DNAH11: variants seen among roughly 807,000 people sequenced by gnomAD.
DNAH11 encodes the protein dynein axonemal heavy chain 11.
Under a neutral mutation model 526.0 loss-of-function variants are expected in DNAH11, and 442 were observed. That is an observed-to-expected ratio of 0.84 (90% CI 0.78 to 0.91). The LOEUF (loss-of-function observed/expected upper bound fraction) is 0.91. DNAH11 is among the 40% of genes least tolerant of loss of function. DNAH11 has a pLI of 0.00. For synonymous variants in DNAH11, 2,461 were observed against 1,935.9 expected (o/e 1.27, Z -7.12); for missense variants, 6,989 against 5,448.7 (o/e 1.28, Z -8.90).
chr7:21,647,129 C>T (rs1787391409), intron 28 of DNAH11, among the ~76,000 whole-genome samples: 1 of 152,070 alleles, frequency 6.6e-6, no homozygotes, highest in Non-Finnish European at 1.5e-5. Flanking sequence ...TAGGACTTCC[C>T]AAAGTGCGGA....
rs1249911874 is a variant in DNAH11 at position 21,880,788 on chromosome 7, A to T, written c.12282A>T (p.Arg4094Ser). 6.2e-7 allele frequency: 1 copy of T among 1,613,890 alleles called. No homozygotes were observed. Among genetic ancestry groups the T allele is most frequent in the East Asian group, 2.2e-5 (1 of 44,864 alleles). ...ACTTCCACGCCTGTGTTGCTGGGAG[A>T]CTGAGGTTTGGCCCCCAGGGCTGGA... ...LCYFHACVAG[R>S]LRFGPQGWSR... The change falls in exon 75 of 82, where the codon AGA becomes AGT. Residue 4094 changes from arginine to serine, a missense_variant. Arg to Ser is a moderately radical substitution (Grantham distance 110, BLOSUM62 -1). Coordinates refer to ENST00000409508, the MANE Select transcript of DNAH11 (RefSeq NM_001277115.2).
intron 18 of DNAH11, among the ~76,000 whole-genome samples, chr7:21,604,199 G>A (rs1440947127): frequency 6.6e-6 from 1 of 152,156 alleles, no homozygotes; most frequent in African/African-American, 2.4e-5. Context: ...AAGAGTTGAA[G>A]TATTACTTCC....
rs148075254 is a variant in DNAH11 at position 21,644,366 on chromosome 7, A to T, written c.4944+5301A>T. Among the ~76,000 whole-genome samples the T allele has an allele frequency of 9.8e-5, 15 of 152,322 alleles. No individual in the cohort carries two copies. In the East Asian group the frequency reaches 1.7e-3, roughly 18 times the overall value. On this transcript the variant is annotated intron_variant, in intron 28 of 81. Coordinates refer to ENST00000409508, the MANE Select transcript of DNAH11 (RefSeq NM_001277115.2). The stretch of plus-strand genomic sequence containing the variant: ...AGAGGATGGAGCTCAATAATCATTC[A>T]TAGTATGCCAAAACCTTCACTGACA...
intron 65 of DNAH11, among the ~76,000 whole-genome samples, chr7:21,827,810 C>G (rs573957306): frequency 6.6e-6 from 1 of 151,932 alleles, no homozygotes; most frequent in African/African-American, 2.4e-5. Context: ...TTGGAGTTGA[C>G]GCCATGCAAT....
At chr7:21,836,916 T>C (rs1429009593) in intron 65 of DNAH11, among the ~76,000 whole-genome samples, 1 of 151,950 alleles carries the variant, frequency 6.6e-6, no homozygotes, top group Non-Finnish European at 1.5e-5. Flanking sequence ...GAAAAGGATG[T>C]GATTCTAAAA....
At chr7:21,815,883 C>A (rs10239296) in intron 63 of DNAH11, among the ~76,000 whole-genome samples, 61,141 of 151,780 alleles carry the variant, frequency 0.4, 13,146 homozygotes, top group East Asian at 0.82. Flanking sequence ...CCTCCCCAAC[C>A]CCTTACTTTG....
rs561139740 is a variant in DNAH11 at position 21,653,378 on chromosome 7, C to T, written c.4945-2454C>T. Among the ~76,000 whole-genome samples, 96 of 152,290 alleles carry T rather than the reference C, an allele frequency of 6.3e-4. 1 individual carries two copies. The South Asian group carries it at 0.018, about 29-fold the overall frequency. ...TAGAAGACAGTATGAAAACATCTAA[C>T]GTCAACTATGCCATGTATAAGAAAT... On this transcript the variant is annotated intron_variant, in intron 28 of 81. Transcript: ENST00000409508.
At position 21,900,125 on chromosome 7, in the gene DNAH11, G is replaced by A. The variant is rs1453680788; in HGVS notation, c.13303+5G>A. ...TCCACGGACTCTTCATGGAGGGTAA[G>A]ACACCCCAAGGGGTAAGTGGGGAAC... On this transcript the variant is annotated splice_donor_5th_base_variant and intron_variant, in intron 81 of 81. Coordinates refer to ENST00000409508, the MANE Select transcript of DNAH11 (RefSeq NM_001277115.2). 3.1e-6 allele frequency: 5 copies of A among 1,609,272 alleles called. No homozygotes were observed.
chr7:21,799,985 A>G (rs1788896809), intron 61 of DNAH11, among the ~76,000 whole-genome samples: 1 of 152,234 alleles, frequency 6.6e-6, no homozygotes, highest in Non-Finnish European at 1.5e-5. Context: ...CAACTTAGTC[A>G]AGACTTTTTG....
chr7:21,763,223 T>C (rs1033209423), intron 54 of DNAH11, among the ~76,000 whole-genome samples: 4 of 150,980 alleles, frequency 2.6e-5, no homozygotes, highest in Non-Finnish European at 5.9e-5. Context: ...GTGTCTGTAG[T>C]CCCAGCTACT....
chr7:21,690,687 TG>T (rs2128474924), intron 34 of DNAH11, 77 bp from the exon 35 acceptor site: 4 of 1,042,754 alleles, frequency 3.8e-6, no homozygotes, highest in Non-Finnish European at 5.8e-6. Flanking sequence ...ATTTGCATTT[TG>T]CAGTGGTTTG....
intron 69 of DNAH11, among the ~76,000 whole-genome samples, chr7:21,863,711 A>G (rs1042114087): frequency 2.0e-5 from 3 of 152,250 alleles, no homozygotes; most frequent in Non-Finnish European, 4.4e-5. Context: ...AGCCATAGCT[A>G]TATCATAATC....
intron 54 of DNAH11, among the ~76,000 whole-genome samples, chr7:21,756,772 C>T (rs939540465): frequency 6.6e-6 from 1 of 152,074 alleles, no homozygotes; most frequent in Admixed American, 6.5e-5. Context: ...TTGCTAAATT[C>T]TGCTAATCCT....
At chr7:21,681,956 CTG>C (rs1783160311) in intron 31 of DNAH11, among the ~76,000 whole-genome samples, 1 of 152,162 alleles carries the variant, frequency 6.6e-6, no homozygotes, top group East Asian at 1.9e-4. Flanking sequence ...TGAGAAATCA[CTG>C]TGTTCATCTC....
At chr7:21,805,461 C>T (rs1789222135) in intron 62 of DNAH11, among the ~76,000 whole-genome samples, 1 of 152,016 alleles carries the variant, frequency 6.6e-6, no homozygotes, top group Non-Finnish European at 1.5e-5. Context: ...TGGGAGCCTC[C>T]TGTATTAAAA....
At chr7:21,825,959 CAA>C (rs56255077) in intron 65 of DNAH11, among the ~76,000 whole-genome samples, 27 of 68,240 alleles carry the variant, frequency 4.0e-4, no homozygotes, top group Admixed American at 4.9e-4. Flanking sequence ...ACTCTGTCTC[CAA>C]AAAAAAAAAA....
In DNAH11 at chr7:21,559,064, C is replaced by G. The variant is rs762513241; in HGVS notation, c.692+66C>G. ...AGCCAGGCCAGCACGGTGGCTCATG[C>G]CTATAATCCCAGCAATTTGGAGGCT... On this transcript the variant is annotated intron_variant, in intron 3 of 81. Coordinates refer to ENST00000409508, the MANE Select transcript of DNAH11 (RefSeq NM_001277115.2). The G allele has an allele frequency of 2.2e-6, 3 of 1,372,036 alleles. No individual in the cohort carries two copies. In the South Asian group the frequency reaches 4.2e-5, roughly 19 times the overall value. The allele number at this position is 1,372,036 out of a possible 1,614,324, so 85.0% of individuals were successfully genotyped here.
At chr7:21,609,583 A>G (rs1785436244) in intron 20 of DNAH11, among the ~76,000 whole-genome samples, 1 of 152,232 alleles carries the variant, frequency 6.6e-6, no homozygotes, top group African/African-American at 2.4e-5. Context: ...AAAAACGATT[A>G]AAAATAAATC....
intron 44 of DNAH11, among the ~76,000 whole-genome samples, chr7:21,722,219 G>A (rs1784906166): frequency 6.6e-6 from 1 of 152,128 alleles, no homozygotes; most frequent in Non-Finnish European, 1.5e-5. Flanking sequence ...GCTCAGAGGG[G>A]CAAAGTAACT....
Sources: allele counts gnomAD v4.1 joint callset (sites outside exome capture counted in the v4.1 genomes callset), GRCh38; gene constraint gnomAD v4.1.1; transcripts MANE v1.5; gene names NCBI Gene and HGNC (gene_info 2026-07-23, HGNC 2026-07-21).